LRRCC1: variants seen among roughly 807,000 people sequenced by gnomAD.
LRRCC1 encodes leucine rich repeat and coiled-coil centrosomal protein 1, also known as leucine-rich repeat and coiled-coil domain-containing protein 1.
In LRRCC1, 115 loss-of-function variants were observed where a neutral mutation model predicts 126.0. The ratio of observed to expected loss-of-function variants is 0.91; its 90% confidence interval spans 0.78 to 1.07. The LOEUF is 1.07. Ranked by LOEUF, LRRCC1 falls within the 50% of genes least tolerant of loss-of-function variation. The probability of loss-of-function intolerance (pLI) is 0.00; values close to 1 mark genes in which losing one functional copy is unlikely to be tolerated. For synonymous variants in LRRCC1, 400 were observed against 393.4 expected (o/e 1.02, Z -0.20); for missense variants, 1,172 against 1,175.7 (o/e 1.00, Z 0.05).
chr8:85,135,592 A>AGGAG (rs768236407), intron 13 of LRRCC1, among the ~76,000 whole-genome samples, 197 bp from the exon 14 acceptor site: 2 of 152,140 alleles, frequency 1.3e-5, no homozygotes, highest in Non-Finnish European at 2.9e-5. Context: ...GATTGTTTAA[A>AGGAG]GGAGTGGTAT....
At chr8:85,142,788 T>C (rs1811344047) in intron 18 of LRRCC1, among the ~76,000 whole-genome samples, 1 of 145,132 alleles carries the variant, frequency 6.9e-6, no homozygotes, top group Non-Finnish European at 1.5e-5. Flanking sequence ...CAAGATTGTG[T>C]CACGTTGCAC....
chr8:85,142,752 C>T (rs1258454501), intron 18 of LRRCC1, among the ~76,000 whole-genome samples: 1 of 150,902 alleles, frequency 6.6e-6, no homozygotes, highest in Non-Finnish European at 1.5e-5. Flanking sequence ...ATCACTTGAG[C>T]CCTGGAGGCA....
At chr8:85,113,146 GCTT>G (rs1166666999) in intron 4 of LRRCC1, 47 bp downstream of exon 4, 1 of 1,447,200 alleles carries the variant, frequency 6.9e-7, no homozygotes, top group African/African-American at 1.5e-5. Flanking sequence ...AATATTGAGA[GCTT>G]CTTTATTTTC....
At chr8:85,121,349 C>A (rs1312833912) in intron 6 of LRRCC1, among the ~76,000 whole-genome samples, 9 of 152,036 alleles carry the variant, frequency 5.9e-5, no homozygotes, top group Non-Finnish European at 1.5e-5. Flanking sequence ...CTGTTTGTCT[C>A]TTTTATATTC....
At chr8:85,141,573 T>C in intron 18 of LRRCC1, 56 bp downstream of exon 18, 4 of 1,282,128 alleles carry the variant, frequency 3.1e-6, no homozygotes, top group Non-Finnish European at 4.3e-6. Flanking sequence ...TATAGCTAAA[T>C]AAATTAGATC....
chr8:85,109,148 A>C (rs1808494131), intron 1 of LRRCC1: 1 of 156,560 alleles, frequency 6.4e-6, no homozygotes, highest in African/African-American at 2.4e-5. Context: ...GGTATCCTTA[A>C]GATACCCACT....
chr8:85,125,320 ATTTCAAGG>A (rs1276049931), intron 8 of LRRCC1, among the ~76,000 whole-genome samples: 1 of 152,114 alleles, frequency 6.6e-6, no homozygotes, highest in African/African-American at 2.4e-5. Context: ...AAATGTATAT[ATTTCAAGG>A]TTTTCATGGA....
intron 1 of LRRCC1, chr8:85,108,517 C>T (rs1158238880): frequency 6.6e-6 from 1 of 152,198 alleles, no homozygotes; most frequent in East Asian, 1.9e-4. Flanking sequence ...TTTTCTATCT[C>T]ACATTATCTG....
At chr8:85,124,287 C>G (rs1809793365) in intron 7 of LRRCC1, among the ~76,000 whole-genome samples, 1 of 152,080 alleles carries the variant, frequency 6.6e-6, no homozygotes, top group Non-Finnish European at 1.5e-5. Context: ...CATACCTACC[C>G]AATTACATTT....
In LRRCC1 at chr8:85,109,329, T is replaced by C. The variant is rs866363326; in HGVS notation, c.105-266T>C. Reference sequence around the variant, plus strand: ...ATTCAGCACTGCCTTCAATATATGCTGATGACTGCACACAGGAGTTAGAAA... The same window carrying C: ...ATTCAGCACTGCCTTCAATATATGCCGATGACTGCACACAGGAGTTAGAAA... On this transcript the variant is annotated intron_variant, in intron 1 of 18. Transcript: ENST00000360375. The C allele has an allele frequency of 1.1e-4, 49 of 442,376 alleles. No individual in the cohort carries two copies. The Middle Eastern group carries it at 4.8e-3, about 43-fold the overall frequency. 27.4% of individuals were successfully genotyped at this position (442,376 alleles called of 1,614,324 possible).
chr8:85,141,200 G>C (rs1455478890), intron 17 of LRRCC1, among the ~76,000 whole-genome samples, 182 bp from the exon 18 acceptor site: 1 of 152,122 alleles, frequency 6.6e-6, no homozygotes, highest in African/African-American at 2.4e-5. Context: ...AATAGATTCT[G>C]CTGGATGATG....
At chr8:85,111,126 C>T (rs1808684008) in intron 3 of LRRCC1, among the ~76,000 whole-genome samples, 1 of 152,048 alleles carries the variant, frequency 6.6e-6, no homozygotes, top group South Asian at 2.1e-4. Flanking sequence ...GCCTGTAATC[C>T]CAGCACTTTG....
Position 85,107,274 on chromosome 8 carries a change from C to G in LRRCC1, c.-22C>G. 6.3e-7 allele frequency: 1 copy of G among 1,598,076 alleles called. No homozygotes were observed. The highest frequency in any genetic ancestry group is 8.5e-7 in the Non-Finnish European group (1 of 1,172,102). The stretch of plus-strand genomic sequence containing the variant: ...CCCCTCGCTGGGTGCCGGTTAAGAC[C>G]CCGCTCCCCGTCGCCAGTGCTATGG... On this transcript the variant is annotated 5_prime_UTR_variant, in exon 1 of 19. Transcript: ENST00000360375.
chr8:85,110,107 T>C lies in LRRCC1; in HGVS notation c.311-8T>C, dbSNP rs1162912681. ...AAGGCTTTATTTTATTTTACTTTTTTTTTTTAGGACTTGAAGAACTAATTA... is the reference window on the plus strand; with the variant it reads ...AAGGCTTTATTTTATTTTACTTTTTCTTTTTAGGACTTGAAGAACTAATTA... On this transcript the variant is annotated splice_polypyrimidine_tract_variant and splice_region_variant and intron_variant, in intron 2 of 18. Coordinates refer to ENST00000360375, the MANE Select transcript of LRRCC1 (RefSeq NM_033402.5). The C allele has an allele frequency of 2.6e-6, 3 of 1,138,572 alleles. No individual in the cohort carries two copies. The highest frequency in any genetic ancestry group is 3.8e-6 in the Non-Finnish European group (3 of 792,792). The allele number at this position is 1,138,572 out of a possible 1,614,324, so 70.5% of individuals were successfully genotyped here.
intron 4 of LRRCC1, among the ~76,000 whole-genome samples, chr8:85,114,229 ATT>A (rs556542098): frequency 2.7e-5 from 4 of 146,504 alleles, no homozygotes; most frequent in African/African-American, 9.9e-5. Context: ...CTCAAGTTGG[ATT>A]TTTTTTTTTT....
At chr8:85,129,882 A>G (rs778107554) in intron 10 of LRRCC1, 37 bp from the exon 11 acceptor site, 5 of 1,452,064 alleles carry the variant, frequency 3.4e-6, no homozygotes, top group Admixed American at 2.6e-5. Flanking sequence ...AGGGGAGACT[A>G]TTATCTAAAT....
chr8:85,129,218 C>G lies in LRRCC1; in HGVS notation c.1465C>G (p.Leu489Val). 6.2e-7 allele frequency: 1 copy of G among 1,612,638 alleles called. No homozygotes were observed. The highest frequency in any genetic ancestry group is 8.5e-7 in the Non-Finnish European group (1 of 1,179,424). The change falls in exon 10 of 19, where the codon CTC (leucine) becomes GTC (valine). Residue 489 changes from leucine to valine, a missense_variant. By Grantham distance (32) the Leu-to-Val change is conservative. Coordinates refer to ENST00000360375, the MANE Select transcript of LRRCC1 (RefSeq NM_033402.5). ...IFRERNSKGQ[L>V]EVMVHKLQNE... is the part of the protein sequence containing the mutation. ...TAGAGAGAGAAATTCCAAAGGACAA[C>G]TCGAAGTTATGGTTCACAAACTTCA...
At chr8:85,109,426 G>T in intron 1 of LRRCC1, 169 bp from the exon 2 acceptor site, 1 of 576,442 alleles carries the variant, frequency 1.7e-6, no homozygotes, top group East Asian at 2.8e-5. Context: ...TGGTTGTGTT[G>T]TAAGAAGCAC....
In LRRCC1 at chr8:85,135,847, T is replaced by A; in HGVS notation, c.2213T>A (p.Ile738Lys). ...IEDDKQKSIQ[I>K]ELLKHEKVQL... ...GATGACAAGCAGAAGAGTATTCAAA[T>A]AGAACTTCTCAAGCACGAAAAAGTC... Residue 738 changes from isoleucine to lysine, a missense_variant, in exon 14 of 19, where the codon ATA becomes AAA. Ile to Lys is a moderately radical substitution (Grantham distance 102). Transcript: ENST00000360375. 6.2e-7 allele frequency: 1 copy of A among 1,604,236 alleles called. No homozygotes were observed. The highest frequency in any genetic ancestry group is 8.5e-7 in the Non-Finnish European group (1 of 1,174,778).
Sources: allele counts gnomAD v4.1 joint callset (sites outside exome capture counted in the v4.1 genomes callset), GRCh38; gene constraint gnomAD v4.1.1; transcripts MANE v1.5; gene names NCBI Gene and HGNC (gene_info 2026-07-23, HGNC 2026-07-21).